The following DCDC1 variants were observed in gnomAD, a reference collection of about 807,000 sequenced individuals.
DCDC1 encodes doublecortin domain containing 1.
Under a neutral mutation model 178.3 loss-of-function variants are expected in DCDC1, and 200 were observed. The ratio of observed to expected loss-of-function variants is 1.12; its 90% confidence interval spans 1.00 to 1.26. DCDC1 has a LOEUF of 1.26. Among genes scored for constraint, DCDC1 ranks in the 50% most tolerant of loss-of-function variants. The pLI, the probability that DCDC1 is intolerant of heterozygous loss-of-function variation, is 0.00. For missense variants in DCDC1, 1,983 were observed against 1,749.2 expected, an observed-to-expected ratio of 1.13 and a Z score of -2.38; for synonymous variants, 690 against 604.8, an observed-to-expected ratio of 1.14 and a Z score of -2.07.
intron 9 of DCDC1, among the ~76,000 whole-genome samples, chr11:31,234,473 T>C (rs1976212978): frequency 6.6e-6 from 1 of 152,204 alleles, no homozygotes; most frequent in African/African-American, 2.4e-5. Context: ...CCAAGATGTT[T>C]ACAATTGCTT....
At chr11:30,947,328 A>T (rs930825400) in intron 21 of DCDC1, among the ~76,000 whole-genome samples, 1 of 152,194 alleles carries the variant, frequency 6.6e-6, no homozygotes, top group Non-Finnish European at 1.5e-5. Context: ...CTACAAAGCT[A>T]TAGTAACCAA....
At chr11:30,937,874 A>G (rs111682145) in intron 21 of DCDC1, among the ~76,000 whole-genome samples, 56 of 152,038 alleles carry the variant, frequency 3.7e-4, no homozygotes, top group African/African-American at 1.3e-3. Context: ...CCCTTCCATA[A>G]CCTGAATCCT....
intron 10 of DCDC1, among the ~76,000 whole-genome samples, chr11:31,131,871 G>A (rs1591157885): frequency 6.6e-6 from 1 of 152,176 alleles, no homozygotes; most frequent in East Asian, 1.9e-4. Context: ...CTCAGACTTT[G>A]ATTTGAGGGC....
At chr11:31,307,933 A>G in intron 3 of DCDC1, 25 bp from the exon 4 acceptor site, 1 of 1,611,298 alleles carries the variant, frequency 6.2e-7, no homozygotes, top group East Asian at 2.2e-5. Context: ...GCATGGAAGA[A>G]TACAATTAAT....
intron 20 of DCDC1, among the ~76,000 whole-genome samples, chr11:30,989,495 G>A (rs1950852002): frequency 6.6e-6 from 1 of 152,116 alleles, no homozygotes. Context: ...AGAATCTGTA[G>A]TCCTCTTTAT....
intron 38 of DCDC1, among the ~76,000 whole-genome samples, chr11:30,873,747 C>T (rs1337912763): frequency 6.6e-6 from 1 of 152,174 alleles, no homozygotes; most frequent in African/African-American, 2.4e-5. Flanking sequence ...CAAAGCTCTC[C>T]TTCTTTGTAC....
chr11:31,253,189 T>C (rs146802652), intron 8 of DCDC1, among the ~76,000 whole-genome samples: 77 of 152,210 alleles, frequency 5.1e-4, no homozygotes, highest in Non-Finnish European at 9.9e-4. Context: ...AACAAAGAAA[T>C]TTTTGGAATT....
chr11:31,363,506 T>A (rs569845681), intron 1 of DCDC1, among the ~76,000 whole-genome samples: 7 of 152,192 alleles, frequency 4.6e-5, no homozygotes, highest in Non-Finnish European at 8.8e-5. Flanking sequence ...CAAACTTCTA[T>A]GTATGTTGAC....
intron 20 of DCDC1, among the ~76,000 whole-genome samples, chr11:31,054,491 C>G (rs1018276463): frequency 6.6e-6 from 1 of 151,976 alleles, no homozygotes; most frequent in Non-Finnish European, 1.5e-5. Context: ...AAAGACAATT[C>G]TAAAATTCAT....
At chr11:30,911,227 C>A (rs1945424730) in intron 28 of DCDC1, 100 bp downstream of exon 28, 2 of 920,138 alleles carry the variant, frequency 2.2e-6, no homozygotes, top group South Asian at 1.6e-5. Flanking sequence ...AAATAGGATT[C>A]TATGACAGTT....
chr11:31,315,651 T>C (rs926091478), intron 3 of DCDC1, among the ~76,000 whole-genome samples: 1 of 143,954 alleles, frequency 6.9e-6, no homozygotes, highest in Non-Finnish European at 1.5e-5. Context: ...CATACCTTTT[T>C]TTTTTTTTTT....
chr11:30,956,641 C>A (rs962045558), intron 20 of DCDC1, among the ~76,000 whole-genome samples: 1 of 151,880 alleles, frequency 6.6e-6, no homozygotes, highest in Non-Finnish European at 1.5e-5. Flanking sequence ...AGTTATTTTT[C>A]TTTTATTTCC....
At chr11:31,095,862 T>C (rs896347151) in intron 15 of DCDC1, among the ~76,000 whole-genome samples, 1 of 152,198 alleles carries the variant, frequency 6.6e-6, no homozygotes, top group Non-Finnish European at 1.5e-5. Flanking sequence ...TTATTCTAGG[T>C]TTTTTAGTAC....
chr11:30,866,103 A>G (rs572148959), intron 38 of DCDC1, among the ~76,000 whole-genome samples: 47 of 152,286 alleles, frequency 3.1e-4, no homozygotes, highest in African/African-American at 1.1e-3. Context: ...CCTTACAACA[A>G]TGGGAAAATT....
chr11:30,919,738 A>G (rs767955552), intron 25 of DCDC1, among the ~76,000 whole-genome samples: 7 of 152,210 alleles, frequency 4.6e-5, no homozygotes, highest in Non-Finnish European at 7.3e-5. Context: ...TCATATTCTT[A>G]TAATTGAGGA....
At position 31,137,743 on chromosome 11, in the gene DCDC1, T is replaced by G. The variant is rs1963330799; in HGVS notation, c.1263A>C (p.Glu421Asp). The change falls in exon 10 of 39, where the codon GAA (glutamate) becomes GAC (aspartate). Residue 421 changes from glutamate (E) to aspartate (D), a missense_variant. Glu to Asp is a conservative substitution (Grantham distance 45). Transcript: ENST00000684477. Reference protein sequence around the residue: ...VMNEQKEKITEKVILSMTAKE... With the variant: ...VMNEQKEKITDKVILSMTAKE... ...TTGCCGTCATTGAAAGAATGACTTTTTCTGTAATTTTCTCCTTCTGTTCAT... is the reference window on the plus strand; with the variant it reads ...TTGCCGTCATTGAAAGAATGACTTTGTCTGTAATTTTCTCCTTCTGTTCAT... 1 of 702,918 alleles carries G rather than the reference T, an allele frequency of 1.4e-6. No homozygotes were observed. Among genetic ancestry groups the G allele is most frequent in the Non-Finnish European group, 2.6e-6 (1 of 384,936 alleles). 43.5% of individuals were successfully genotyped at this position (702,918 alleles called of 1,614,324 possible).
At chr11:30,964,373 C>T (rs1483105869) in intron 20 of DCDC1, among the ~76,000 whole-genome samples, 1 of 152,114 alleles carries the variant, frequency 6.6e-6, no homozygotes, top group Admixed American at 6.6e-5. Context: ...ATTTAATATC[C>T]TTCCCCTCAA....
intron 3 of DCDC1, 61 bp downstream of exon 3, chr11:31,328,056 T>C (rs1348592219): frequency 6.8e-7 from 1 of 1,470,874 alleles, no homozygotes; most frequent in Non-Finnish European, 9.1e-7. Context: ...TTAAACTACT[T>C]TCTATAAACA....
chr11:31,080,961 G>T (rs369937613), intron 17 of DCDC1, among the ~76,000 whole-genome samples: 1 of 152,036 alleles, frequency 6.6e-6, no homozygotes, highest in African/African-American at 2.4e-5. Context: ...TCTTTTTATC[G>T]AATTACGGTG....
Sources: gnomAD v4.1 joint callset for allele counts (sites outside exome capture counted in the v4.1 genomes callset) on GRCh38, gnomAD v4.1.1 for gene constraint, MANE v1.5 for transcripts, NCBI Gene and HGNC (gene_info 2026-07-23, HGNC 2026-07-21) for gene names.